EYS: variants seen among roughly 807,000 people sequenced by gnomAD.
EYS encodes the protein protein eyes shut homolog.
Under a neutral mutation model 282.1 loss-of-function variants are expected in EYS, and 250 were observed. That is an observed-to-expected ratio of 0.89 (90% CI 0.80 to 0.98). The LOEUF is 0.98. Ranked by LOEUF, EYS falls within the 50% of genes least tolerant of loss-of-function variation. The pLI, the probability that EYS is intolerant of heterozygous loss-of-function variation, is 0.00. For missense variants in EYS, 4,016 were observed against 3,709.0 expected, an observed-to-expected ratio of 1.08 and a Z score of -2.15; for synonymous variants, 1,355 against 1,282.9, an observed-to-expected ratio of 1.06 and a Z score of -1.20.
At chr6:64,024,560 G>A (rs1205891487) in intron 33 of EYS, among the ~76,000 whole-genome samples, 1 of 152,048 alleles carries the variant, frequency 6.6e-6, no homozygotes, top group Admixed American at 6.5e-5. Flanking sequence ...CCACACTGTG[G>A]AAGCTTTGTT....
At chr6:64,395,458 A>C (rs1428209020) in intron 28 of EYS, among the ~76,000 whole-genome samples, 1 of 152,238 alleles carries the variant, frequency 6.6e-6, no homozygotes, top group Non-Finnish European at 1.5e-5. Flanking sequence ...AGCCATCAAA[A>C]ATGATGAGTT....
At chr6:65,632,053 C>T (rs16896967) in intron 2 of EYS, among the ~76,000 whole-genome samples, 40,912 of 151,816 alleles carry the variant, frequency 0.27, 7,350 homozygotes, top group African/African-American at 0.52. Context: ...CAATTGTTAA[C>T]GTAATAGAAG....
At chr6:65,050,134 T>C (rs1213170354) in intron 13 of EYS, among the ~76,000 whole-genome samples, 2 of 151,304 alleles carry the variant, frequency 1.3e-5, no homozygotes, top group African/African-American at 4.8e-5. Context: ...AAAATAAAAA[T>C]AAGAGAAAGG....
At chr6:63,731,632 TA>T (rs1382538555) in intron 41 of EYS, among the ~76,000 whole-genome samples, 1 of 152,238 alleles carries the variant, frequency 6.6e-6, no homozygotes, top group Non-Finnish European at 1.5e-5. Context: ...TTGCATTCTA[TA>T]TTTTTTTACC....
chr6:65,130,779 C>T (rs1187324603), intron 12 of EYS, among the ~76,000 whole-genome samples: 2 of 147,934 alleles, frequency 1.4e-5, no homozygotes, highest in African/African-American at 2.5e-5. Flanking sequence ...ACAAACGGCA[C>T]ATGTACCCTG....
intron 26 of EYS, among the ~76,000 whole-genome samples, chr6:64,568,983 A>G (rs7760081): frequency 0.026 from 3,924 of 148,524 alleles, 117 homozygotes; most frequent in East Asian, 0.1. Flanking sequence ...AAAGGTCACC[A>G]GCATCAAAGA....
At chr6:65,236,508 G>T (rs1043033785) in intron 12 of EYS, among the ~76,000 whole-genome samples, 2 of 151,998 alleles carry the variant, frequency 1.3e-5, no homozygotes, top group African/African-American at 4.8e-5. Flanking sequence ...CCACTAGGGA[G>T]GCCGAGGCAG....
At chr6:64,484,657 G>A (rs1231506292) in intron 26 of EYS, among the ~76,000 whole-genome samples, 1 of 151,566 alleles carries the variant, frequency 6.6e-6, no homozygotes, top group Non-Finnish European at 1.5e-5. Context: ...TTATTCCTGT[G>A]GATGCTCTAG....
chr6:64,389,942 A>C (rs602573), intron 28 of EYS, among the ~76,000 whole-genome samples: 1 of 149,626 alleles, frequency 6.7e-6, no homozygotes, highest in Non-Finnish European at 1.5e-5. Flanking sequence ...GAAGCAGGGC[A>C]AGGCATTGCC....
intron 33 of EYS, among the ~76,000 whole-genome samples, chr6:64,059,320 T>A (rs1479624069): frequency 1.3e-5 from 2 of 152,124 alleles, no homozygotes; most frequent in African/African-American, 4.8e-5. Flanking sequence ...GGGCCCTAAG[T>A]CTTGACTTTT....
rs141171805 is a variant in EYS, at chr6:64,544,098, T to G, written c.5644+46125A>C. Among the ~76,000 whole-genome samples, 868 of 152,326 alleles carry G rather than the reference T, an allele frequency of 5.7e-3. 4 individuals are homozygous for G. Among genetic ancestry groups the G allele is most frequent in the South Asian group, 0.014 (67 of 4,828 alleles). On this transcript the variant is annotated intron_variant, in intron 26 of 42. Coordinates refer to ENST00000503581, the MANE Select transcript of EYS (RefSeq NM_001142800.2). ...CTGTTAACTCCAATCACTTAACAGT[T>G]TGAGTTGTTTTGGATGGTTCACCAG...
chr6:63,900,694 A>C (rs1773637152), intron 35 of EYS, among the ~76,000 whole-genome samples: 1 of 152,210 alleles, frequency 6.6e-6, no homozygotes, highest in Admixed American at 6.5e-5. Context: ...TCAGCAGAAA[A>C]TGGAAGGCTT....
intron 35 of EYS, among the ~76,000 whole-genome samples, chr6:63,897,520 A>C (rs899869471): frequency 1.3e-5 from 2 of 152,178 alleles, no homozygotes; most frequent in Non-Finnish European, 2.9e-5. Flanking sequence ...CAGCCACCAG[A>C]AACTGAAGAG....
chr6:64,764,855 C>T (rs1773273630), intron 22 of EYS, among the ~76,000 whole-genome samples: 1 of 152,156 alleles, frequency 6.6e-6, no homozygotes, highest in Non-Finnish European at 1.5e-5. Flanking sequence ...TCTCCTGCCT[C>T]AGCCTCCCAA....
At chr6:65,320,450 A>C (rs1444036304) in intron 11 of EYS, among the ~76,000 whole-genome samples, 1 of 152,182 alleles carries the variant, frequency 6.6e-6, no homozygotes, top group African/African-American at 2.4e-5. Flanking sequence ...TATCAGTTGC[A>C]GCCCTGGGAC....
chr6:64,323,538 C>T (rs781365009), intron 29 of EYS, among the ~76,000 whole-genome samples: 1 of 151,986 alleles, frequency 6.6e-6, no homozygotes, highest in Non-Finnish European at 1.5e-5. Flanking sequence ...TATGAGTCAT[C>T]CAATAAATTT....
intron 31 of EYS, among the ~76,000 whole-genome samples, chr6:64,116,711 A>G (rs1450375417): frequency 6.6e-6 from 1 of 152,146 alleles, no homozygotes; most frequent in Non-Finnish European, 1.5e-5. Context: ...GACAACATAG[A>G]CTGAAAGTGC....
chr6:65,237,561 A>T (rs1018094905), intron 12 of EYS, among the ~76,000 whole-genome samples: 5 of 151,748 alleles, frequency 3.3e-5, no homozygotes, highest in Non-Finnish European at 7.4e-5. Context: ...ACAGAGTAAG[A>T]CCCTGTCTCA....
chr6:64,855,441 T>A (rs952040065), intron 19 of EYS, among the ~76,000 whole-genome samples: 3 of 152,158 alleles, frequency 2.0e-5, no homozygotes, highest in South Asian at 2.1e-4. Flanking sequence ...GAATTTTTCA[T>A]CTCTGATATT....
Sources: gnomAD v4.1 joint callset for allele counts (sites outside exome capture counted in the v4.1 genomes callset) on GRCh38, gnomAD v4.1.1 for gene constraint, MANE v1.5 for transcripts, NCBI Gene and HGNC (gene_info 2026-07-23, HGNC 2026-07-21) for gene names.